The following AFAP1L2 variants were observed in gnomAD, a reference collection of about 807,000 sequenced individuals.
AFAP1L2 encodes the protein actin filament associated protein 1 like 2.
In AFAP1L2, 46 loss-of-function variants were observed where a neutral mutation model predicts 99.3. The observed-to-expected ratio is 0.46, with a 90% CI of 0.37 to 0.59. AFAP1L2 has a LOEUF of 0.59. Among genes scored for constraint, AFAP1L2 ranks in the 20% least tolerant of loss-of-function variants. AFAP1L2 has a pLI of 0.00. For missense variants in AFAP1L2, 959 were observed against 1,034.9 expected, an observed-to-expected ratio of 0.93 and a Z score of 1.01; for synonymous variants, 397 against 419.1, an observed-to-expected ratio of 0.95 and a Z score of 0.64.
chr10:114,299,174 G>A (rs1889450), intron 16 of AFAP1L2, 86 bp downstream of exon 16: 1,350,007 of 1,522,880 alleles, frequency 0.89, 601,707 homozygotes, highest in East Asian at 0.98. Context: ...TTGAGAAGGT[G>A]TGGTGACAGC....
At chr10:114,335,137 G>C (rs1420743918) in intron 2 of AFAP1L2, among the ~76,000 whole-genome samples, 1 of 152,188 alleles carries the variant, frequency 6.6e-6, no homozygotes, top group East Asian at 1.9e-4. Context: ...TTACTGAAGA[G>C]GGTATAAATT....
At chr10:114,315,108 T>C (rs2043911228) in intron 6 of AFAP1L2, among the ~76,000 whole-genome samples, 2 of 152,132 alleles carry the variant, frequency 1.3e-5, no homozygotes, top group Non-Finnish European at 2.9e-5. Flanking sequence ...GCCACTGCAC[T>C]GCAGCCTGGG....
intron 1 of AFAP1L2, among the ~76,000 whole-genome samples, chr10:114,391,144 T>C (rs1442681049): frequency 6.6e-6 from 1 of 152,202 alleles, no homozygotes; most frequent in Non-Finnish European, 1.5e-5. Context: ...ACAGAGCCCT[T>C]AACTTTGATG....
intron 1 of AFAP1L2, among the ~76,000 whole-genome samples, chr10:114,361,543 T>A (rs953623080): frequency 6.6e-6 from 1 of 152,146 alleles, no homozygotes; most frequent in African/African-American, 2.4e-5. Flanking sequence ...AGATCAGTAC[T>A]CCCATCAGAC....
intron 1 of AFAP1L2, among the ~76,000 whole-genome samples, chr10:114,347,686 T>C (rs1169698328): frequency 1.3e-5 from 2 of 152,122 alleles, no homozygotes; most frequent in East Asian, 3.9e-4. Flanking sequence ...AATTTTTAAA[T>C]TTTTTGTAGA....
intron 12 of AFAP1L2, chr10:114,301,946 C>G (rs1352602197): frequency 3.8e-6 from 1 of 265,660 alleles, no homozygotes; most frequent in South Asian, 5.1e-5. Context: ...TCCCTCAGCC[C>G]TAGTTTGCTC....
chr10:114,323,213 C>G lies in AFAP1L2; in HGVS notation c.364G>C (p.Gly122Arg), dbSNP rs375084113. ...TATGGCTCAGCCTCTTCATAGTAGC[C>G]CTCTGGAGACTCCGTCTTTGGGATG... ...LAIPKTESPE[G>R]YYEEAEPYDT... The change falls in exon 5 of 19, where the codon GGC becomes CGC. Residue 122 changes from glycine to arginine, a missense_variant. By Grantham distance (125) the Gly-to-Arg change is moderately radical. Around this residue, in one of 2 missense-constraint regions of AFAP1L2, gnomAD observed 383 missense variants for 472.8 expected, o/e 0.81. Transcript: ENST00000304129. 1.2e-6 allele frequency: 2 copies of G among 1,603,330 alleles called. No individual in the cohort carries two copies. The highest frequency in any genetic ancestry group is 1.3e-5 in the African/African-American group (1 of 74,892).
At chr10:114,404,590 G>T, upstream of AFAP1L2, 1 of 1,290,876 alleles carries the variant, frequency 7.7e-7, no homozygotes, top group Non-Finnish European at 9.9e-7. Flanking sequence ...CGGGGCCGCC[G>T]CGCCCAGGGT....
At chr10:114,282,469 C>T in the AFAP1L2 span, 4,740 of 1,487,482 alleles carry the variant, frequency 3.2e-3, 103 homozygotes, top group African/African-American at 0.053. Flanking sequence ...TTCTGCCCTC[C>T]CCTTACACCT....
At chr10:114,364,065 G>A (rs1397826095) in intron 1 of AFAP1L2, among the ~76,000 whole-genome samples, 1 of 152,236 alleles carries the variant, frequency 6.6e-6, no homozygotes, top group Non-Finnish European at 1.5e-5. Context: ...GCTAGTTAAA[G>A]GTTAATGTCA....
intron 3 of AFAP1L2, 121 bp from the exon 4 acceptor site, chr10:114,332,018 C>T (rs1481143310): frequency 1.7e-6 from 1 of 583,058 alleles, no homozygotes. Context: ...GTGTTAATTA[C>T]CCAGGCAGGC....
At chr10:114,362,299 C>T (rs1239164275) in intron 1 of AFAP1L2, among the ~76,000 whole-genome samples, 3 of 152,202 alleles carry the variant, frequency 2.0e-5, no homozygotes, top group African/African-American at 2.4e-5. Flanking sequence ...CCCCTAACGC[C>T]TGTGAATGTG....
At chr10:114,363,039 GTGCCCAGGC>G (rs2052667850) in intron 1 of AFAP1L2, 1 of 985,306 alleles carries the variant, frequency 1.0e-6, no homozygotes, top group Admixed American at 6.2e-5. Flanking sequence ...AGAGAGGACT[GTGCCCAGGC>G]TGCTCTCCGC....
chr10:114,398,542 T>A (rs1364003713), intron 1 of AFAP1L2, among the ~76,000 whole-genome samples: 2 of 152,274 alleles, frequency 1.3e-5, no homozygotes, highest in Non-Finnish European at 2.9e-5. Context: ...TTTCTCAAAG[T>A]CTTTACCAAT....
chr10:114,286,028 A>G, the AFAP1L2 span: 1 of 1,614,138 alleles, frequency 6.2e-7, no homozygotes, highest in Non-Finnish European at 8.5e-7. Flanking sequence ...CCTGCGGGCC[A>G]AAGTCTTCGT....
intron 1 of AFAP1L2, among the ~76,000 whole-genome samples, chr10:114,350,516 T>TAGACAGATAGTGAAG (rs2050304773): frequency 6.6e-6 from 1 of 152,172 alleles, no homozygotes; most frequent in African/African-American, 2.4e-5. Flanking sequence ...GACAGACACA[T>TAGACAGATAGTGAAG]ACTACCTGCC....
chr10:114,397,062 A>G (rs2138265530), intron 1 of AFAP1L2, among the ~76,000 whole-genome samples: 1 of 152,236 alleles, frequency 6.6e-6, no homozygotes, highest in East Asian at 1.9e-4. Context: ...CTTATACCAC[A>G]GCATCACAAC....
chr10:114,395,080 G>T (rs1316881858), intron 1 of AFAP1L2, among the ~76,000 whole-genome samples: 3 of 152,174 alleles, frequency 2.0e-5, no homozygotes, highest in South Asian at 4.1e-4. Context: ...AGGACCAGCT[G>T]CCCTGCACTA....
At chr10:114,383,581 A>G (rs1049846422) in intron 1 of AFAP1L2, among the ~76,000 whole-genome samples, 3 of 152,252 alleles carry the variant, frequency 2.0e-5, no homozygotes, top group Non-Finnish European at 4.4e-5. Flanking sequence ...TGCCATAAAA[A>G]TATAGATGTA....
Sources: gnomAD v4.1 joint callset for allele counts (sites outside exome capture counted in the v4.1 genomes callset) on GRCh38, gnomAD v4.1.1 for gene constraint, gnomAD v4.1.1 regional missense constraint, MANE v1.5 for transcripts, NCBI Gene and HGNC (gene_info 2026-07-23, HGNC 2026-07-21) for gene names.